Variants in SCFD1 observed in about 807,000 individuals in gnomAD.
SCFD1 encodes the protein sec1 family domain-containing protein 1.
Under a neutral mutation model 103.2 loss-of-function variants are expected in SCFD1, and 37 were observed. The ratio of observed to expected loss-of-function variants is 0.36; its 90% CI spans 0.28 to 0.47. SCFD1 has a LOEUF of 0.47. SCFD1 is among the 20% of genes least tolerant of loss of function. The pLI is 1.00. For synonymous variants in SCFD1, 264 were observed against 245.0 expected, an observed-to-expected ratio of 1.08 and a Z score of -0.73; for missense variants, 639 against 761.2, an observed-to-expected ratio of 0.84 and a Z score of 1.89.
intron 18 of SCFD1, 116 bp downstream of exon 18, chr14:30,706,001 G>T: frequency 2.7e-5 from 20 of 744,928 alleles, no homozygotes; most frequent in East Asian, 8.3e-5. Context: ...CCATGCCTTT[G>T]GTGACATTTA....
intron 19 of SCFD1, chr14:30,715,568 C>CAAA (rs36045306): frequency 2.6e-4 from 26 of 99,728 alleles, no homozygotes; most frequent in East Asian, 6.9e-4. Flanking sequence ...GTCTCCATGT[C>CAAA]AAAAAAAAAA....
At chr14:30,692,365 T>C (rs79550808) in intron 14 of SCFD1, among the ~76,000 whole-genome samples, 1,929 of 152,212 alleles carry the variant, frequency 0.013, 48 homozygotes, top group African/African-American at 0.045. Flanking sequence ...TTTGTTATTA[T>C]GATGAGGTGT....
intron 23 of SCFD1, 111 bp downstream of exon 23, chr14:30,722,670 G>T: frequency 1.8e-6 from 1 of 553,720 alleles, no homozygotes; most frequent in Non-Finnish European, 3.0e-6. Flanking sequence ...CTAAAAGGTA[G>T]TTTTAAAATC....
chr14:30,639,895 T>A (rs749827393), intron 6 of SCFD1, 31 bp downstream of exon 6: 1 of 1,560,390 alleles, frequency 6.4e-7, no homozygotes, highest in East Asian at 2.3e-5. Context: ...TGCAATTCTT[T>A]GTTAACAAAA....
intron 23 of SCFD1, among the ~76,000 whole-genome samples, chr14:30,732,694 T>G (rs534919494): frequency 6.6e-6 from 1 of 152,328 alleles, no homozygotes; most frequent in Non-Finnish European, 1.5e-5. Context: ...AACATGGCCC[T>G]TGGTTTATAC....
At chr14:30,696,762 A>G (rs1234812875) in intron 15 of SCFD1, among the ~76,000 whole-genome samples, 1 of 152,156 alleles carries the variant, frequency 6.6e-6, no homozygotes, top group Non-Finnish European at 1.5e-5. Context: ...ACGTATGTCT[A>G]GGTATGTGGA....
intron 14 of SCFD1, among the ~76,000 whole-genome samples, chr14:30,694,522 G>A (rs1181729284): frequency 4.6e-5 from 7 of 151,758 alleles, no homozygotes; most frequent in Admixed American, 2.6e-4. Flanking sequence ...AAAAAAATAC[G>A]GAAAAATTAG....
At chr14:30,694,345 A>G (rs1890535841) in intron 14 of SCFD1, among the ~76,000 whole-genome samples, 1 of 152,188 alleles carries the variant, frequency 6.6e-6, no homozygotes, top group Admixed American at 6.5e-5. Flanking sequence ...TCTATATTAA[A>G]TATATATTCA....
intron 6 of SCFD1, among the ~76,000 whole-genome samples, chr14:30,643,111 T>C (rs1363051458): frequency 6.6e-6 from 1 of 152,102 alleles, no homozygotes; most frequent in Non-Finnish European, 1.5e-5. Flanking sequence ...AGGTTGAGGC[T>C]GCAGTAAGCC....
chr14:30,733,529 T>A (rs1274636775), intron 23 of SCFD1, among the ~76,000 whole-genome samples: 2 of 152,180 alleles, frequency 1.3e-5, no homozygotes, highest in African/African-American at 4.8e-5. Context: ...TCAGGATTAA[T>A]CTCAACTGGG....
chr14:30,639,882 T>A lies in SCFD1; in HGVS notation c.523+18T>A. On this transcript the variant is annotated intron_variant, in intron 6 of 24. Coordinates refer to ENST00000458591, the MANE Select transcript of SCFD1 (RefSeq NM_016106.4). The stretch of plus-strand genomic sequence containing the variant: ...ATATCGTGGTATGTAAAAATAGAAA[T>A]GTTGCAATTCTTTGTTAACAAAATG... 6.4e-7 allele frequency: 1 copy of A among 1,569,986 alleles called. No individual in the cohort carries two copies. Among genetic ancestry groups the A allele is most frequent in the East Asian group, 2.3e-5 (1 of 43,578 alleles).
chr14:30,632,691 A>G (rs1442446492), intron 3 of SCFD1, among the ~76,000 whole-genome samples: 1 of 152,208 alleles, frequency 6.6e-6, no homozygotes, highest in Non-Finnish European at 1.5e-5. Context: ...TTACTAATGG[A>G]AGGACTGAAG....
At chr14:30,730,546 C>T (rs1893379461) in intron 23 of SCFD1, among the ~76,000 whole-genome samples, 1 of 152,146 alleles carries the variant, frequency 6.6e-6, no homozygotes, top group Non-Finnish European at 1.5e-5. Context: ...TTAATGATTG[C>T]CATTCTAACT....
chr14:30,731,600 T>C (rs1893472278), intron 23 of SCFD1, among the ~76,000 whole-genome samples: 1 of 152,194 alleles, frequency 6.6e-6, no homozygotes. Flanking sequence ...AGGTATTTTA[T>C]TCTCTTTGAA....
At position 30,633,962 on chromosome 14, in the gene SCFD1, T is replaced by A; in HGVS notation, c.237T>A (p.Asp79Glu). ...GITLHLLLHS[D>E]RDPIPDVPAV... is the part of the protein sequence containing the mutation. ...TGTCTTCTAGGCTTTTACACTCTGA[T>A]CGAGATCCTATTCCAGATGTTCCTG... Residue 79 changes from aspartate to glutamate, a missense_variant, in exon 4 of 25, where the codon GAT (aspartate) becomes GAA (glutamate). Asp to Glu is a conservative substitution (Grantham distance 45). Coordinates refer to ENST00000458591, the MANE Select transcript of SCFD1 (RefSeq NM_016106.4). 1 of 1,595,746 alleles carries A rather than the reference T, an allele frequency of 6.3e-7. No homozygotes were observed. Among genetic ancestry groups the A allele is most frequent in the Non-Finnish European group, 8.6e-7 (1 of 1,168,372 alleles).
At position 30,626,835 on chromosome 14, in the gene SCFD1, A is replaced by T. The variant is rs190748743; in HGVS notation, c.62-1374A>T. Among the ~76,000 whole-genome samples, 122 of 152,274 alleles carry T rather than the reference A, an allele frequency of 8.0e-4. 1 individual carries two copies. The East Asian group carries it at 0.016, about 20-fold the overall frequency. ...ACACACATAAGTATGCAAATGTATCACTGAAGTACAATCTGTTCAGTAATA... is the reference window on the plus strand; with the variant it reads ...ACACACATAAGTATGCAAATGTATCTCTGAAGTACAATCTGTTCAGTAATA... On this transcript the variant is annotated intron_variant, in intron 1 of 24. Transcript: ENST00000458591.
intron 14 of SCFD1, among the ~76,000 whole-genome samples, chr14:30,684,665 T>TAA (rs1057138245): frequency 4.0e-5 from 6 of 151,526 alleles, no homozygotes; most frequent in African/African-American, 9.7e-5. Context: ...TCATTATATA[T>TAA]AATCTATATT....
chr14:30,717,894 A>G (rs77261338), intron 20 of SCFD1, among the ~76,000 whole-genome samples: 3 of 131,716 alleles, frequency 2.3e-5, no homozygotes, highest in African/African-American at 8.2e-5. Flanking sequence ...AAAAAAAAGA[A>G]AAAAAAAAAA....
chr14:30,695,057 A>G (rs1345760147), intron 15 of SCFD1, among the ~76,000 whole-genome samples, 188 bp downstream of exon 15: 1 of 152,182 alleles, frequency 6.6e-6, no homozygotes, highest in Non-Finnish European at 1.5e-5. Context: ...AATAATTTGC[A>G]TTTCATTTCA....
Sources: allele counts gnomAD v4.1 joint callset (sites outside exome capture counted in the v4.1 genomes callset), GRCh38; gene constraint gnomAD v4.1.1; transcripts MANE v1.5; gene names NCBI Gene and HGNC (gene_info 2026-07-23, HGNC 2026-07-21).